TFAP2C: variants seen among roughly 807,000 people sequenced by gnomAD.
TFAP2C encodes transcription factor AP-2 gamma, also known as activating enhancer-binding protein 2 gamma.
A neutral mutation model predicts 42.9 loss-of-function variants in TFAP2C; 9 were observed. That is an observed-to-expected ratio of 0.21 (90% confidence interval 0.13 to 0.37). The LOEUF (loss-of-function observed/expected upper bound fraction) is 0.37, where lower values mean the gene tolerates loss of function less well. Among genes scored for constraint, TFAP2C ranks in the 10% least tolerant of loss-of-function variants. TFAP2C has a pLI of 1.00. For synonymous variants in TFAP2C, 264 were observed against 256.0 expected (o/e 1.03, Z -0.30); for missense variants, 462 against 591.7 (o/e 0.78, Z 2.27).
chr20:56,637,115 G>T (rs140905864), intron 6 of TFAP2C, among the ~76,000 whole-genome samples: 19 of 152,294 alleles, frequency 1.2e-4, no homozygotes, highest in African/African-American at 4.6e-4. Context: ...CCTCCTGATA[G>T]CAAGACTTTT....
rs749733169 is a variant in TFAP2C, at chr20:56,631,178, G to C, written c.49-27G>C. 2 of 1,492,996 alleles carry C rather than the reference G, an allele frequency of 1.3e-6. No individual in the cohort carries two copies. The highest frequency in any genetic ancestry group is 1.8e-6 in the Non-Finnish European group (2 of 1,124,306). The allele number at this position is 1,492,996 out of a possible 1,614,324, so 92.5% of individuals were successfully genotyped here. A position where few individuals can be genotyped will look rare whatever the true frequency, so the allele number is the denominator to read the frequency against. On this transcript the variant is annotated intron_variant, in intron 1 of 6. Coordinates refer to ENST00000201031, the MANE Select transcript of TFAP2C (RefSeq NM_003222.4). This position sits in a 1 kb window ranked among gnomAD's most constrained non-coding sequence, Gnocchi z 6.1. Reference sequence around the variant, plus strand: ...AGTAGCGGGGTTTCGCACTAACGGGGTCTCCTGTTTTTTTTTTTCCCTCCA... The same window carrying C: ...AGTAGCGGGGTTTCGCACTAACGGGCTCTCCTGTTTTTTTTTTTCCCTCCA...
In TFAP2C at chr20:56,631,876, C is replaced by CGTCTAACTCTG; in HGVS notation, c.586+24_586+34dup. ...GCAAAGGTAAATAGCAAGGTGGCAT[C>CGTCTAACTCTG]GTCTAACTCTGGTCACACGATCTGG... On this transcript the variant is annotated intron_variant, in intron 3 of 6. Transcript: ENST00000201031. The surrounding 1 kb of genome is among the most constrained non-coding windows in gnomAD (Gnocchi z 6.1). 6.2e-7 allele frequency: 1 copy of CGTCTAACTCTG among 1,614,014 alleles called. No individual in the cohort carries two copies. Among genetic ancestry groups the CGTCTAACTCTG allele is most frequent in the East Asian group, 2.2e-5 (1 of 44,888 alleles).
rs371845292 is a variant in TFAP2C, at chr20:56,629,639, C to A, written c.48+47C>A. 3.6e-5 allele frequency: 49 copies of A among 1,363,532 alleles called. No individual in the cohort carries two copies. The African/African-American group carries it at 6.9e-4, about 19-fold the overall frequency. The allele number at this position is 1,363,532 out of a possible 1,614,324, so 84.5% of individuals were successfully genotyped here. On this transcript the variant is annotated intron_variant, in intron 1 of 6. Transcript: ENST00000201031. This position sits in a 1 kb window ranked among gnomAD's most constrained non-coding sequence, Gnocchi z 5.9. ...CAGCCCCGCCCCGCCGAGGACAGTC[C>A]GGGAGGCAGGGGCCACTGGACCGAG...
intron 6 of TFAP2C, 31 bp downstream of exon 6, chr20:56,636,785 C>T (rs1987590807): frequency 6.2e-7 from 1 of 1,602,784 alleles, no homozygotes. Flanking sequence ...TTGATGATGA[C>T]TCAATGCTCT....
In TFAP2C at chr20:56,630,723, T is replaced by G. The variant is rs1018896151; in HGVS notation, c.49-482T>G. 2.0e-6 allele frequency: 2 copies of G among 984,610 alleles called. No individual in the cohort carries two copies. The highest frequency in any genetic ancestry group is 2.4e-6 in the Non-Finnish European group (2 of 829,726). 61.0% of individuals were successfully genotyped at this position (984,610 alleles called of 1,614,324 possible). On this transcript the variant is annotated intron_variant, in intron 1 of 6. Coordinates refer to ENST00000201031, the MANE Select transcript of TFAP2C (RefSeq NM_003222.4). The surrounding 1 kb of genome is among the most constrained non-coding windows in gnomAD (Gnocchi z 5.1). The stretch of plus-strand genomic sequence containing the variant: ...GGGAGGGTCCCGGGGGCGGGGGAGG[T>G]GCGCATTTCCCGCGCCGCGCACTCT...
intron 5 of TFAP2C, among the ~76,000 whole-genome samples, chr20:56,635,800 T>C (rs1987572921): frequency 6.6e-6 from 1 of 152,196 alleles, no homozygotes; most frequent in African/African-American, 2.4e-5. Context: ...AACCTGAGGA[T>C]GTTCAAAATG....
rs757018334 is a variant in TFAP2C at position 56,629,617 on chromosome 20, C to A, written c.48+25C>A. On this transcript the variant is annotated intron_variant, in intron 1 of 6. Coordinates refer to ENST00000201031, the MANE Select transcript of TFAP2C (RefSeq NM_003222.4). The surrounding 1 kb of genome is among the most constrained non-coding windows in gnomAD (Gnocchi z 5.9). Reference sequence around the variant, plus strand: ...GGTGAGCTGGGGCTCCGGGGTGCAGCCCCGCCCCGCCGAGGACAGTCCGGG... The same window carrying A: ...GGTGAGCTGGGGCTCCGGGGTGCAGACCCGCCCCGCCGAGGACAGTCCGGG... 2.2e-6 allele frequency: 3 copies of A among 1,387,910 alleles called. No individual in the cohort carries two copies. In the Admixed American group the frequency reaches 8.9e-5, roughly 41 times the overall value. 86.0% of individuals were successfully genotyped at this position (1,387,910 alleles called of 1,614,324 possible).
At position 56,629,712 on chromosome 20, in the gene TFAP2C, C is replaced by A; in HGVS notation, c.48+120C>A. ...CCCTGGCCTCTCGGTGGGACGGGAT[C>A]CACTTCTCCGGACACCCCTTAGTCC... On this transcript the variant is annotated intron_variant, in intron 1 of 6. Coordinates refer to ENST00000201031, the MANE Select transcript of TFAP2C (RefSeq NM_003222.4). The surrounding 1 kb of genome is among the most constrained non-coding windows in gnomAD (Gnocchi z 5.9). The A allele has an allele frequency of 1.4e-6, 1 of 718,370 alleles. No individual in the cohort carries two copies. Among genetic ancestry groups the A allele is most frequent in the Non-Finnish European group, 2.0e-6 (1 of 502,070 alleles). 44.5% of individuals were successfully genotyped at this position (718,370 alleles called of 1,614,324 possible). A position where few individuals can be genotyped will look rare whatever the true frequency, so the allele number is the denominator to read the frequency against.
chr20:56,629,518 C>A lies in TFAP2C; in HGVS notation c.-27C>A. 2.1e-6 allele frequency: 3 copies of A among 1,399,306 alleles called. No homozygotes were observed. The highest frequency in any genetic ancestry group is 1.9e-6 in the Non-Finnish European group (2 of 1,071,986). 86.7% of individuals were successfully genotyped at this position (1,399,306 alleles called of 1,614,324 possible). A position where few individuals can be genotyped will look rare whatever the true frequency, so the allele number is the denominator to read the frequency against. ...CTGGGGGGATCCTGGATTTAACTGGCGACTGTTTTGGGGGACGCCGGACGC... is the reference window on the plus strand; with the variant it reads ...CTGGGGGGATCCTGGATTTAACTGGAGACTGTTTTGGGGGACGCCGGACGC... On this transcript the variant is annotated 5_prime_UTR_variant, in exon 1 of 7. Coordinates refer to ENST00000201031, the MANE Select transcript of TFAP2C (RefSeq NM_003222.4). The surrounding 1 kb of genome is among the most constrained non-coding windows in gnomAD (Gnocchi z 5.9).
In TFAP2C at chr20:56,630,653, T is replaced by C. The variant is rs1987470254; in HGVS notation, c.49-552T>C. On this transcript the variant is annotated intron_variant, in intron 1 of 6. Coordinates refer to ENST00000201031, the MANE Select transcript of TFAP2C (RefSeq NM_003222.4). This position sits in a 1 kb window ranked among gnomAD's most constrained non-coding sequence, Gnocchi z 5.1. ...CGGCGCAGGGTGGCGGGCCCTGCTT[T>C]CCGAGCGCCGCCCGCTCGGAGGTCT... The C allele has an allele frequency of 1.0e-6, 1 of 981,014 alleles. No individual in the cohort carries two copies. Among genetic ancestry groups the C allele is most frequent in the African/African-American group, 1.8e-5 (1 of 57,128 alleles). The allele number at this position is 981,014 out of a possible 1,614,324, so 60.8% of individuals were successfully genotyped here.
chr20:56,629,586 C>G lies in TFAP2C; in HGVS notation c.42C>G (p.Asp14Glu), dbSNP rs1459743769. 7.0e-7 allele frequency: 1 copy of G among 1,422,714 alleles called. No homozygotes were observed. Among genetic ancestry groups the G allele is most frequent in the African/African-American group, 1.5e-5 (1 of 67,568 alleles). The allele number at this position is 1,422,714 out of a possible 1,614,324, so 88.1% of individuals were successfully genotyped here. A position where few individuals can be genotyped will look rare whatever the true frequency, so the allele number is the denominator to read the frequency against. The change falls in exon 1 of 7, where the codon GAC becomes GAG. Residue 14 changes from aspartate (D) to glutamate (E), a missense_variant. Physicochemically the swap from Asp to Glu is conservative, Grantham distance 45. Around this residue, in one of 5 missense-constraint regions of TFAP2C, gnomAD observed 271 missense variants for 269.7 expected, o/e 1.00. Coordinates refer to ENST00000201031, the MANE Select transcript of TFAP2C (RefSeq NM_003222.4). This position sits in a 1 kb window ranked among gnomAD's most constrained non-coding sequence, Gnocchi z 5.9. ...KITDNVKYEE[D>E]CEDRHDGSSN... is the part of the protein sequence containing the mutation. ...CCGATAATGTCAAGTACGAAGAGGA[C>G]TGCGAGGTGAGCTGGGGCTCCGGGG...
chr20:56,636,184 G>A (rs1423617247), intron 5 of TFAP2C, among the ~76,000 whole-genome samples: 3 of 152,160 alleles, frequency 2.0e-5, no homozygotes, highest in Non-Finnish European at 2.9e-5. Context: ...TGAGTTGTCT[G>A]CCCTGTATAT....
At position 56,631,720 on chromosome 20, in the gene TFAP2C, C is replaced by T. The variant is rs983852276; in HGVS notation, c.534+30C>T. The T allele has an allele frequency of 1.2e-6, 2 of 1,608,128 alleles. No homozygotes were observed. The highest frequency in any genetic ancestry group is 1.7e-6 in the Non-Finnish European group (2 of 1,177,558). On this transcript the variant is annotated intron_variant, in intron 2 of 6. Coordinates refer to ENST00000201031, the MANE Select transcript of TFAP2C (RefSeq NM_003222.4). The surrounding 1 kb of genome is among the most constrained non-coding windows in gnomAD (Gnocchi z 6.1). ...GCGGCGCTGCGGCTCCTGACCGGAC[C>T]TGTTCACCCTACGGCCTTCTGCCCC...
chr20:56,630,792 T>C lies in TFAP2C; in HGVS notation c.49-413T>C, dbSNP rs1987473278. 3.0e-6 allele frequency: 3 copies of C among 985,236 alleles called. No homozygotes were observed. The highest frequency in any genetic ancestry group is 1.7e-5 in the African/African-American group (1 of 57,228). The allele number at this position is 985,236 out of a possible 1,614,324, so 61.0% of individuals were successfully genotyped here. Reference sequence around the variant, plus strand: ...GCCACCTCCAGCAGTCCCTGCGTCATGGGCGGGCTCCACGAGATAGCTCTG... The same window carrying C: ...GCCACCTCCAGCAGTCCCTGCGTCACGGGCGGGCTCCACGAGATAGCTCTG... On this transcript the variant is annotated intron_variant, in intron 1 of 6. Coordinates refer to ENST00000201031, the MANE Select transcript of TFAP2C (RefSeq NM_003222.4). The surrounding 1 kb of genome is among the most constrained non-coding windows in gnomAD (Gnocchi z 5.1).
At position 56,633,414 on chromosome 20, in the gene TFAP2C, C is replaced by G; in HGVS notation, c.648C>G (p.Ala216=). Residue 216 remains alanine (A), a synonymous_variant, in exon 4 of 7, where the codon GCC becomes GCG. Transcript: ENST00000201031. ...NLPCQKELVG[A]VMNPTEVFCS... is the part of the protein sequence containing the mutation. ...CCTGTCAGAAGGAGCTGGTGGGGGC[C>G]GTAATGAACCCCACTGAGGTCTTCT... 6.2e-7 allele frequency: 1 copy of G among 1,614,064 alleles called. No individual in the cohort carries two copies. Among genetic ancestry groups the G allele is most frequent in the South Asian group, 1.1e-5 (1 of 91,072 alleles).
chr20:56,636,690 A>T lies in TFAP2C; in HGVS notation c.1003A>T (p.Thr335Ser), dbSNP rs1304062448. ...TAGTAAACCAGTGGCAGAATATTTA[A>T]CCAGACCTCATCTTGGAGGACGAAA... The part of the protein sequence containing the change: ...FPSKPVAEYL[T>S]RPHLGGRNEM... The change falls in exon 6 of 7, where the codon ACC (threonine) becomes TCC (serine). Residue 335 changes from threonine to serine, a missense_variant. Coordinates refer to ENST00000201031, the MANE Select transcript of TFAP2C (RefSeq NM_003222.4). 1 of 1,614,144 alleles carries T rather than the reference A, an allele frequency of 6.2e-7. No individual in the cohort carries two copies.
At chr20:56,637,311 C>A (rs1404017205) in intron 6 of TFAP2C, among the ~76,000 whole-genome samples, 1 of 152,214 alleles carries the variant, frequency 6.6e-6, no homozygotes, top group African/African-American at 2.4e-5. Flanking sequence ...CAGGCTGTGT[C>A]AGGAGTCAGA....
intron 3 of TFAP2C, among the ~76,000 whole-genome samples, chr20:56,633,129 T>C (rs1421231095): frequency 1.3e-5 from 2 of 151,590 alleles, no homozygotes; most frequent in African/African-American, 4.8e-5. Context: ...GCCCGCAAGC[T>C]GAGGCTGCAG....
At position 56,638,183 on chromosome 20, in the gene TFAP2C, T is replaced by A. The variant is rs982528858; in HGVS notation, c.*170T>A. The A allele has an allele frequency of 7.9e-6, 5 of 630,892 alleles. No individual in the cohort carries two copies. In the African/African-American group the frequency reaches 9.2e-5, roughly 12 times the overall value. The allele number at this position is 630,892 out of a possible 1,614,324, so 39.1% of individuals were successfully genotyped here. Reference sequence around the variant, plus strand: ...CATCACCCGCCCCTGGACTTCTTAGTTGTTTCTCTAGCGCTGAGCTATCTC... The same window carrying A: ...CATCACCCGCCCCTGGACTTCTTAGATGTTTCTCTAGCGCTGAGCTATCTC... On this transcript the variant is annotated 3_prime_UTR_variant, in exon 7 of 7. Transcript: ENST00000201031.
Sources: gnomAD v4.1 joint callset for allele counts (sites outside exome capture counted in the v4.1 genomes callset) on GRCh38, gnomAD v4.1.1 for gene constraint, gnomAD v4.1.1 regional missense constraint, Gnocchi (gnomAD v3.1) non-coding constraint, MANE v1.5 for transcripts, NCBI Gene and HGNC (gene_info 2026-07-23, HGNC 2026-07-21) for gene names.